The following CDH10 variants were observed in gnomAD, a reference collection of about 807,000 sequenced individuals.
CDH10 encodes the protein cadherin-10.
Under a neutral mutation model 73.1 loss-of-function variants are expected in CDH10, and 30 were observed. The ratio of observed to expected loss-of-function variants is 0.41; its 90% confidence interval spans 0.31 to 0.56. The LOEUF is 0.56. Among genes scored for constraint, CDH10 ranks in the 20% least tolerant of loss-of-function variants. The pLI is 0.27. For synonymous variants in CDH10, 345 were observed against 348.2 expected, an observed-to-expected ratio of 0.99 and a Z score of 0.10; for missense variants, 815 against 973.7, an observed-to-expected ratio of 0.84 and a Z score of 2.17.
At chr5:24,553,732 T>A (rs1355686941) in intron 2 of CDH10, among the ~76,000 whole-genome samples, 3 of 152,104 alleles carry the variant, frequency 2.0e-5, no homozygotes, top group Non-Finnish European at 2.9e-5. Flanking sequence ...GAGGAAAAAG[T>A]CTATACCCCT....
intron 1 of CDH10, among the ~76,000 whole-genome samples, chr5:24,610,741 T>C (rs1447327056): frequency 6.6e-6 from 1 of 152,142 alleles, no homozygotes; most frequent in Non-Finnish European, 1.5e-5. Context: ...TGTACCTATG[T>C]GCACTGAGGG....
intron 5 of CDH10, among the ~76,000 whole-genome samples, chr5:24,517,589 C>A (rs1743156737): frequency 6.6e-6 from 1 of 151,034 alleles, no homozygotes; most frequent in South Asian, 2.1e-4. Flanking sequence ...TTGTTTTTGA[C>A]AATGCAAGCT....
intron 5 of CDH10, among the ~76,000 whole-genome samples, chr5:24,512,898 AGTCACT>A: frequency 6.6e-6 from 1 of 151,810 alleles, no homozygotes; most frequent in South Asian, 2.1e-4. Flanking sequence ...TTTTGCATTT[AGTCACT>A]TCCATGAAAG....
At chr5:24,570,961 C>T (rs936070774) in intron 2 of CDH10, among the ~76,000 whole-genome samples, 1 of 151,966 alleles carries the variant, frequency 6.6e-6, no homozygotes, top group Non-Finnish European at 1.5e-5. Flanking sequence ...TGGCTTATTA[C>T]CTATTTTAAT....
chr5:24,522,187 T>G (rs1743359808), intron 5 of CDH10, among the ~76,000 whole-genome samples: 1 of 129,676 alleles, frequency 7.7e-6, no homozygotes, highest in South Asian at 2.7e-4. Context: ...AACTAATATG[T>G]AATTGTGAGT....
At chr5:24,601,778 G>T (rs1262226731) in intron 1 of CDH10, among the ~76,000 whole-genome samples, 1 of 151,726 alleles carries the variant, frequency 6.6e-6, no homozygotes, top group Non-Finnish European at 1.5e-5. Context: ...AAGCTTGAAT[G>T]GGTTAAAGTC....
At chr5:24,517,675 T>A (rs1223749027) in intron 5 of CDH10, among the ~76,000 whole-genome samples, 1 of 152,084 alleles carries the variant, frequency 6.6e-6, no homozygotes, top group Admixed American at 6.6e-5. Context: ...GATAGTTGAA[T>A]GAAGGTAGTA....
chr5:24,535,031 T>C (rs41271089), intron 5 of CDH10, 81 bp downstream of exon 5: 78,012 of 1,307,026 alleles, frequency 0.06, 2,690 homozygotes, highest in Non-Finnish European at 0.069. Flanking sequence ...CAATTGCTTT[T>C]TCTTTTCTTT....
chr5:24,554,529 T>A (rs1744696327), intron 2 of CDH10, among the ~76,000 whole-genome samples: 1 of 145,326 alleles, frequency 6.9e-6, no homozygotes, highest in African/African-American at 2.7e-5. Flanking sequence ...TGCACGTGCA[T>A]GATTTTTCTT....
chr5:24,553,736 T>C lies in CDH10; in HGVS notation c.232-16062A>G, dbSNP rs1579799438. 2.6e-5 allele frequency among the ~76,000 whole-genome samples: 4 copies of C among 152,260 alleles called. 1 individual carries two copies. Among genetic ancestry groups the C allele is most frequent in the Admixed American group, 2.6e-4 (4 of 15,292 alleles). ...TCCATAATCAGGAGGAAAAAGTCTATACCCCTCCTATTGAATCCCCATCAA... is the reference window on the plus strand; with the variant it reads ...TCCATAATCAGGAGGAAAAAGTCTACACCCCTCCTATTGAATCCCCATCAA... On this transcript the variant is annotated intron_variant, in intron 2 of 11. Coordinates refer to ENST00000264463, the MANE Select transcript of CDH10 (RefSeq NM_006727.5).
chr5:24,491,027 G>A (rs1482316568), intron 11 of CDH10, among the ~76,000 whole-genome samples: 1 of 152,100 alleles, frequency 6.6e-6, no homozygotes, highest in African/African-American at 2.4e-5. Flanking sequence ...TTCCCGTATG[G>A]AGGATGTTTC....
At chr5:24,553,192 T>G (rs1744614779) in intron 2 of CDH10, among the ~76,000 whole-genome samples, 1 of 151,352 alleles carries the variant, frequency 6.6e-6, no homozygotes, top group Non-Finnish European at 1.5e-5. Flanking sequence ...CTCTGATCTT[T>G]GTATAAGAGC....
chr5:24,602,431 G>A (rs1746597424), intron 1 of CDH10, among the ~76,000 whole-genome samples: 2 of 152,140 alleles, frequency 1.3e-5, no homozygotes, highest in South Asian at 4.1e-4. Context: ...GTCAAGCAGA[G>A]TGCTGCTCAG....
chr5:24,496,465 A>T (rs181419456), intron 9 of CDH10, among the ~76,000 whole-genome samples: 29 of 152,296 alleles, frequency 1.9e-4, no homozygotes, highest in Admixed American at 1.4e-3. Flanking sequence ...CGAGGGGACT[A>T]CTAATATTAC....
chr5:24,537,464 T>C lies in CDH10; in HGVS notation c.442A>G (p.Ile148Val), dbSNP rs778225203. ...TTGTCATTGATATCATGAATTTTGA[T>C]CACAAACTCTGACTCTGGCTCTACT... The part of the protein sequence containing the change: ...RPVEPESEFV[I>V]KIHDINDNEP... Residue 148 changes from isoleucine (I) to valine (V), a missense_variant, in exon 3 of 12, where the codon ATC becomes GTC. Physicochemically the swap from Ile to Val is conservative, Grantham distance 29 (BLOSUM62 3). Coordinates refer to ENST00000264463, the MANE Select transcript of CDH10 (RefSeq NM_006727.5). The C allele has an allele frequency of 6.2e-7, 1 of 1,612,796 alleles. No homozygotes were observed.
At chr5:24,550,724 T>G (rs1744513337) in intron 2 of CDH10, among the ~76,000 whole-genome samples, 1 of 152,170 alleles carries the variant, frequency 6.6e-6, no homozygotes, top group Non-Finnish European at 1.5e-5. Flanking sequence ...TCCTTCTCAT[T>G]TTACTAACCT....
chr5:24,492,414 C>T (rs1315068212), intron 10 of CDH10, among the ~76,000 whole-genome samples: 1 of 152,080 alleles, frequency 6.6e-6, no homozygotes. Context: ...CAGGCTACTT[C>T]TCATTCTTTT....
chr5:24,639,812 T>C (rs961122), intron 1 of CDH10, among the ~76,000 whole-genome samples: 7,056 of 151,860 alleles, frequency 0.046, 224 homozygotes, highest in South Asian at 0.15. Flanking sequence ...TCCTCTCTTA[T>C]AGTAAATCAG....
chr5:24,545,451 C>T (rs1744305039), intron 2 of CDH10, among the ~76,000 whole-genome samples: 1 of 152,148 alleles, frequency 6.6e-6, no homozygotes, highest in South Asian at 2.1e-4. Flanking sequence ...TTCTTTCCTC[C>T]TTTTCACCAA....
Sources: gnomAD v4.1 joint callset for allele counts (sites outside exome capture counted in the v4.1 genomes callset) on GRCh38, gnomAD v4.1.1 for gene constraint, MANE v1.5 for transcripts, NCBI Gene and HGNC (gene_info 2026-07-23, HGNC 2026-07-21) for gene names.